The following STK39 variants were observed in gnomAD, a reference collection of about 807,000 sequenced individuals.
The protein encoded by STK39 is serine/threonine kinase 39, also known as STE20/SPS1-related proline-alanine-rich protein kinase.
Under a neutral mutation model 77.8 loss-of-function variants are expected in STK39, and 20 were observed. The ratio of observed to expected loss-of-function variants is 0.26; its 90% CI spans 0.18 to 0.37. The LOEUF (loss-of-function observed/expected upper bound fraction) is 0.37. Ranked by LOEUF, STK39 falls within the 10% of genes least tolerant of loss-of-function variation. STK39 has a pLI of 1.00. For synonymous variants in STK39, 246 were observed against 234.1 expected (o/e 1.05, Z -0.47); for missense variants, 479 against 656.5 (o/e 0.73, Z 2.95).
At chr2:168,148,823 C>T (rs1415951270) in intron 5 of STK39, among the ~76,000 whole-genome samples, 3 of 152,300 alleles carry the variant, frequency 2.0e-5, no homozygotes, top group South Asian at 2.1e-4. Context: ...AGACAGGCTG[C>T]AAGGGAAGAC....
chr2:167,954,054 C>T lies in STK39; in HGVS notation c.*1442G>A, dbSNP rs200775020. On this transcript the variant is annotated 3_prime_UTR_variant, in exon 18 of 18. Coordinates refer to ENST00000355999, the MANE Select transcript of STK39 (RefSeq NM_013233.3). ...GCAATACACTTTTATTTTCCTTTTACCTTTGCAGTCATCTTCGAGTAATCG... is the reference window on the plus strand; with the variant it reads ...GCAATACACTTTTATTTTCCTTTTATCTTTGCAGTCATCTTCGAGTAATCG... The T allele has an allele frequency of 6.6e-6, 1 of 152,616 alleles. No homozygotes were observed. The highest frequency in any genetic ancestry group is 2.4e-5 in the African/African-American group (1 of 41,450). The allele number at this position is 152,616 out of a possible 1,614,324, so 9.5% of individuals were successfully genotyped here. A position where few individuals can be genotyped will look rare whatever the true frequency, so the allele number is the denominator to read the frequency against.
intron 17 of STK39, among the ~76,000 whole-genome samples, chr2:167,959,172 G>A (rs1691869136): frequency 6.6e-6 from 1 of 152,060 alleles, no homozygotes; most frequent in East Asian, 1.9e-4. Context: ...AGGCTGGAGT[G>A]CAGTGGTGTG....
At chr2:168,140,431 G>GC (rs1462082853) in intron 6 of STK39, 41 bp from the exon 7 acceptor site, 12 of 1,526,032 alleles carry the variant, frequency 7.9e-6, no homozygotes, top group Non-Finnish European at 1.1e-5. Context: ...CATACAGCAG[G>GC]CATGTTACAC....
At chr2:168,024,326 C>T (rs1300979482) in intron 14 of STK39, among the ~76,000 whole-genome samples, 1 of 152,166 alleles carries the variant, frequency 6.6e-6, no homozygotes, top group African/African-American at 2.4e-5. Context: ...CCTGTTTCCT[C>T]AACTGTGAGA....
chr2:168,095,619 C>CT (rs1444349019), intron 10 of STK39, among the ~76,000 whole-genome samples: 1 of 70,108 alleles, frequency 1.4e-5, no homozygotes, highest in Non-Finnish European at 2.6e-5. Context: ...TCGTGTATCT[C>CT]TTTCTTTTTT....
At chr2:168,112,385 T>G (rs1370317667) in intron 10 of STK39, among the ~76,000 whole-genome samples, 1 of 152,010 alleles carries the variant, frequency 6.6e-6, no homozygotes, top group East Asian at 1.9e-4. Context: ...TGGGGGTGAT[T>G]GGATCATGGG....
rs536600366 is a variant in STK39, at chr2:168,050,049, T to C, written c.1376+13451A>G. On this transcript the variant is annotated intron_variant, in intron 14 of 17. Coordinates refer to ENST00000355999, the MANE Select transcript of STK39 (RefSeq NM_013233.3). ...ATCAGCTGAAAGGGATAATATGCAA[T>C]TTCATACTTCCATATGATTGTCTCA... Among the ~76,000 whole-genome samples, 11 of 152,336 alleles carry C rather than the reference T, an allele frequency of 7.2e-5. No homozygotes were observed. The South Asian group carries it at 2.1e-3, about 29-fold the overall frequency.
At chr2:168,115,390 T>G (rs1687232701) in intron 10 of STK39, among the ~76,000 whole-genome samples, 1 of 152,148 alleles carries the variant, frequency 6.6e-6, no homozygotes, top group Non-Finnish European at 1.5e-5. Flanking sequence ...ACTTTAAACA[T>G]ATGTAAGGTG....
At chr2:168,139,279 C>CA (rs1229267871) in intron 7 of STK39, among the ~76,000 whole-genome samples, 1 of 152,158 alleles carries the variant, frequency 6.6e-6, no homozygotes, top group Admixed American at 6.5e-5. Context: ...AGCATTACTT[C>CA]AGTGCTTTTT....
rs550858639 is a variant in STK39 at position 168,212,269 on chromosome 2, C to A, written c.209-30179G>T. ...ATATATTCGTTCAGTGGAGTGTTTG[C>A]GTAAGGAAGCTACTGAAACTTACTG... is the stretch of plus-strand genomic sequence containing the variant. On this transcript the variant is annotated intron_variant, in intron 1 of 17. Transcript: ENST00000355999. Among the ~76,000 whole-genome samples the A allele has an allele frequency of 2.6e-5, 4 of 152,280 alleles. No homozygotes were observed. In the East Asian group the frequency reaches 7.7e-4, roughly 29 times the overall value.
chr2:168,062,388 A>T (rs2105383052), intron 14 of STK39, among the ~76,000 whole-genome samples: 1 of 152,388 alleles, frequency 6.6e-6, no homozygotes, highest in South Asian at 2.1e-4. Flanking sequence ...TGATTGCTAA[A>T]TTCACGAACT....
intron 17 of STK39, among the ~76,000 whole-genome samples, chr2:167,961,787 C>T (rs756550407): frequency 2.6e-5 from 4 of 152,224 alleles, no homozygotes; most frequent in Non-Finnish European, 5.9e-5. Flanking sequence ...GTCCTTTTAA[C>T]ATTCCCAAAG....
intron 12 of STK39, among the ~76,000 whole-genome samples, chr2:168,068,932 T>TC (rs960588506): frequency 1.3e-5 from 2 of 152,214 alleles, no homozygotes; most frequent in African/African-American, 4.8e-5. Flanking sequence ...ATTTTTTTTT[T>TC]CTGAGATGGA....
chr2:168,089,408 T>C (rs1413838568), intron 10 of STK39, among the ~76,000 whole-genome samples: 2 of 152,198 alleles, frequency 1.3e-5, no homozygotes, highest in Non-Finnish European at 2.9e-5. Flanking sequence ...AAACAGAAAG[T>C]ATAAGTAACC....
rs1690949089 is a variant in STK39, at chr2:168,247,298, G to GGCCGGA, written c.137_138insTCCGGC (p.Pro49_Ala50dup). Reference sequence around the variant, plus strand: ...CGACAGCCTGTGCCGCCGGGGCCGGGGCCGGGGCCGGGGCCGCGGGAGCTG... The same window carrying GGCCGGA: ...CGACAGCCTGTGCCGCCGGGGCCGGGGCCGGAGCCGGGGCCGGGGCCGCGGGAGCTG... On this transcript the variant is annotated inframe_insertion, in exon 1 of 18. Transcript: ENST00000355999. 1 of 1,030,870 alleles carries GGCCGGA rather than the reference G, an allele frequency of 9.7e-7. No individual in the cohort carries two copies. The highest frequency in any genetic ancestry group is 1.2e-6 in the Non-Finnish European group (1 of 857,130). 63.9% of individuals were successfully genotyped at this position (1,030,870 alleles called of 1,614,324 possible).
intron 10 of STK39, among the ~76,000 whole-genome samples, chr2:168,082,811 T>C (rs1686271265): frequency 6.6e-6 from 1 of 152,214 alleles, no homozygotes; most frequent in Admixed American, 6.5e-5. Flanking sequence ...TTATCTGTTT[T>C]TCAAAGTTGA....
chr2:168,190,149 C>G (rs919319562), intron 1 of STK39, among the ~76,000 whole-genome samples: 1 of 152,170 alleles, frequency 6.6e-6, no homozygotes, highest in African/African-American at 2.4e-5. Flanking sequence ...GCCCTTCCAC[C>G]TAGACCACTG....
At chr2:168,084,287 C>T (rs28707781) in intron 10 of STK39, among the ~76,000 whole-genome samples, 2,265 of 152,300 alleles carry the variant, frequency 0.015, 54 homozygotes, top group African/African-American at 0.052. Context: ...GCATGTTAAT[C>T]ACTCCAGTCA....
chr2:168,126,825 C>A (rs144155364), intron 10 of STK39, among the ~76,000 whole-genome samples: 1 of 152,080 alleles, frequency 6.6e-6, no homozygotes. Flanking sequence ...GAATTATGAT[C>A]GGAAAACAGC....
Sources: gnomAD v4.1 joint callset for allele counts (sites outside exome capture counted in the v4.1 genomes callset) on GRCh38, gnomAD v4.1.1 for gene constraint, MANE v1.5 for transcripts, NCBI Gene and HGNC (gene_info 2026-07-23, HGNC 2026-07-21) for gene names.